Variants in FMR1NB observed in about 807,000 individuals in gnomAD.
The protein encoded by FMR1NB is FMR1 neighbor, also known as FMR1 neighbor protein.
FMR1NB carries 10 observed loss-of-function variants against 16.8 expected under a neutral mutation model. That is an observed-to-expected ratio of 0.60 (90% CI 0.37 to 1.01). The LOEUF is 1.01. FMR1NB is among the 50% of genes least tolerant of loss of function. FMR1NB has a pLI of 0.01. For synonymous variants in FMR1NB, 83 were observed against 79.1 expected, an observed-to-expected ratio of 1.05 and a Z score of -0.26; for missense variants, 205 against 204.8, an observed-to-expected ratio of 1.00 and a Z score of 0.00.
At chrX:148,006,654 G>A in intron 2 of FMR1NB, 48 bp from the exon 3 acceptor site, 1 of 1,158,466 alleles carries the variant, frequency 8.6e-7, no homozygotes, top group Non-Finnish European at 1.2e-6. Flanking sequence ...AGGGAAAGTG[G>A]TAACTAACCA....
chrX:148,019,104 T>C (rs2044665956), intron 4 of FMR1NB, among the ~76,000 whole-genome samples: 1 of 112,097 alleles, frequency 8.9e-6, no homozygotes, highest in African/African-American at 3.2e-5. Context: ...TCTGACCATT[T>C]TAAATGGTAT....
intron 1 of FMR1NB, among the ~76,000 whole-genome samples, chrX:147,983,236 T>C (rs1260523217): frequency 8.9e-6 from 1 of 112,273 alleles, no homozygotes; most frequent in Admixed American, 9.5e-5. Context: ...TACAAGTTGT[T>C]GTGTAGACAT....
intron 4 of FMR1NB, among the ~76,000 whole-genome samples, chrX:148,014,285 G>T (rs187559439): frequency 9.0e-6 from 1 of 111,496 alleles, no homozygotes; most frequent in Non-Finnish European, 1.9e-5. Flanking sequence ...TTGGCCTTAG[G>T]TAAAGAGGAA....
chrX:148,025,770 G>A (rs1025773665), intron 5 of FMR1NB: 1 of 112,040 alleles, frequency 8.9e-6, no homozygotes, highest in East Asian at 2.8e-4. Context: ...TATAATGTAT[G>A]TGAAAATGTT....
At chrX:148,003,101 A>G (rs2044578825) in intron 1 of FMR1NB, 100 bp from the exon 2 acceptor site, 2 of 831,985 alleles carry the variant, frequency 2.4e-6, no homozygotes, top group Admixed American at 3.0e-5. Flanking sequence ...GCTATTTGAC[A>G]TTCTATAATT....
chrX:147,981,930 C>T (rs1259205515), intron 1 of FMR1NB, among the ~76,000 whole-genome samples: 2 of 111,649 alleles, frequency 1.8e-5, no homozygotes, highest in Admixed American at 9.5e-5. Context: ...CCAACTTCCC[C>T]TAACAAAAGC....
chrX:148,005,478 G>A (rs1326703173), intron 2 of FMR1NB, among the ~76,000 whole-genome samples: 3 of 111,286 alleles, frequency 2.7e-5, no homozygotes, highest in African/African-American at 9.8e-5. Context: ...GAGAAGAGCC[G>A]CTCTGGGCCT....
chrX:147,995,858 G>A (rs887331553), intron 1 of FMR1NB, among the ~76,000 whole-genome samples: 2 of 112,407 alleles, frequency 1.8e-5, no homozygotes, highest in Non-Finnish European at 3.8e-5. Flanking sequence ...GTGTGGTGTA[G>A]TTGGAGGAGC....
intron 4 of FMR1NB, 55 bp downstream of exon 4, chrX:148,008,766 G>A: frequency 2.0e-6 from 2 of 1,007,979 alleles, no homozygotes; most frequent in African/African-American, 1.9e-5. Flanking sequence ...GAGTATTTGT[G>A]TATAGACATA....
At chrX:148,000,291 C>A (rs1557188560) in intron 1 of FMR1NB, among the ~76,000 whole-genome samples, 3 of 112,022 alleles carry the variant, frequency 2.7e-5, no homozygotes, top group African/African-American at 9.7e-5. Context: ...AAAATGAAGA[C>A]TCAGACTTTT....
intron 1 of FMR1NB, among the ~76,000 whole-genome samples, chrX:147,997,486 A>G (rs1557188271): frequency 8.9e-6 from 1 of 112,427 alleles, no homozygotes. Context: ...TATGTGTAAG[A>G]CCTAAAACCA....
At chrX:147,992,832 A>G (rs1440979760) in intron 1 of FMR1NB, among the ~76,000 whole-genome samples, 1 of 78,175 alleles carries the variant, frequency 1.3e-5, no homozygotes, top group Non-Finnish European at 2.3e-5. Flanking sequence ...GGCCGGGCAG[A>G]GACGCTCCTC....
intron 1 of FMR1NB, among the ~76,000 whole-genome samples, chrX:147,990,884 A>G (rs12011827): frequency 0.36 from 39,149 of 108,061 alleles, 5,923 homozygotes; most frequent in East Asian, 0.67. Flanking sequence ...CTTCTTCACC[A>G]CACCGCTGAA....
chrX:147,997,764 G>GA (rs371468339), intron 1 of FMR1NB, among the ~76,000 whole-genome samples: 1,576 of 105,095 alleles, frequency 0.015, 31 homozygotes, highest in African/African-American at 0.051. Context: ...ATTTACAAGA[G>GA]AAAAAAAAAC....
chrX:148,021,803 A>G (rs782002896), intron 4 of FMR1NB, among the ~76,000 whole-genome samples: 1 of 108,336 alleles, frequency 9.2e-6, no homozygotes, highest in Non-Finnish European at 1.9e-5. Flanking sequence ...TCTCCGCTTC[A>G]TTTTTGCTGA....
intron 1 of FMR1NB, among the ~76,000 whole-genome samples, chrX:147,995,817 C>T (rs1423248809): frequency 5.3e-5 from 6 of 112,406 alleles, no homozygotes; most frequent in South Asian, 3.7e-4. Context: ...TAATTGAGCA[C>T]GAGGCTAGCT....
chrX:148,021,805 T>A (rs1029111788), intron 4 of FMR1NB, among the ~76,000 whole-genome samples: 15 of 110,843 alleles, frequency 1.4e-4, no homozygotes, highest in African/African-American at 4.9e-4. Context: ...TCCGCTTCAT[T>A]TTTGCTGAAC....
chrX:148,012,796 A>C (rs949427213), intron 4 of FMR1NB, among the ~76,000 whole-genome samples: 1 of 111,821 alleles, frequency 8.9e-6, no homozygotes, highest in Non-Finnish European at 1.9e-5. Context: ...CTGCCTAAAA[A>C]TCATCACCCT....
chrX:147,987,504 T>C (rs1418477432), intron 1 of FMR1NB, among the ~76,000 whole-genome samples: 1 of 111,784 alleles, frequency 8.9e-6, no homozygotes, highest in Non-Finnish European at 1.9e-5. Flanking sequence ...GAGAAGAATG[T>C]ATATTCTGTT....
Sources: allele counts gnomAD v4.1 joint callset (sites outside exome capture counted in the v4.1 genomes callset), GRCh38; gene constraint gnomAD v4.1.1; transcripts MANE v1.5; gene names NCBI Gene and HGNC (gene_info 2026-07-23, HGNC 2026-07-21).